The following CELF2 variants were observed in gnomAD, a reference collection of about 807,000 sequenced individuals.
The protein encoded by CELF2 is CUG triplet repeat RNA-binding protein 2.
A neutral mutation model predicts 62.6 loss-of-function variants in CELF2; 8 were observed. That is an observed-to-expected ratio of 0.13 (90% confidence interval 0.07 to 0.23). The LOEUF (loss-of-function observed/expected upper bound fraction) is 0.23, where lower values mean the gene tolerates loss of function less well. CELF2 is among the 10% of genes least tolerant of loss of function. CELF2 has a pLI of 1.00. For synonymous variants in CELF2, 258 were observed against 250.0 expected, an observed-to-expected ratio of 1.03 and a Z score of -0.30; for missense variants, 333 against 671.0, an observed-to-expected ratio of 0.50 and a Z score of 5.56.
chr10:10,921,967 GAGA>G (rs2064964533), intron 2 of CELF2, among the ~76,000 whole-genome samples: 1 of 152,192 alleles, frequency 6.6e-6, no homozygotes, highest in Non-Finnish European at 1.5e-5. Flanking sequence ...TCAAGAACAG[GAGA>G]AGCAGAGTGA....
the CELF2 span, among the ~76,000 whole-genome samples, chr10:10,716,951 G>T: frequency 6.6e-6 from 1 of 152,160 alleles, no homozygotes; most frequent in Admixed American, 6.5e-5. Context: ...TAATAGAGCA[G>T]ATAAAGCCCA....
the CELF2 span, among the ~76,000 whole-genome samples, chr10:10,695,737 C>G: frequency 9.6e-3 from 1,457 of 152,286 alleles, 29 homozygotes; most frequent in Admixed American, 0.045. Flanking sequence ...AACTTCCCAT[C>G]TCGCTTCATT....
At chr10:10,519,834 G>A in the CELF2 span, among the ~76,000 whole-genome samples, 1 of 152,318 alleles carries the variant, frequency 6.6e-6, no homozygotes, top group Non-Finnish European at 1.5e-5. Context: ...AAGGCTGTCT[G>A]TCTCCCTTGT....
intron 1 of CELF2, among the ~76,000 whole-genome samples, chr10:11,068,431 C>G (rs1360757136): frequency 2.0e-5 from 3 of 152,162 alleles, no homozygotes; most frequent in African/African-American, 7.2e-5. Context: ...CATCAGGGTC[C>G]CTTGGACCCC....
the CELF2 span, among the ~76,000 whole-genome samples, chr10:10,566,130 T>A: frequency 6.6e-6 from 1 of 152,132 alleles, no homozygotes; most frequent in East Asian, 1.9e-4. Flanking sequence ...ATGCATGGTC[T>A]TTACCCTCAA....
At chr10:10,956,449 A>G (rs914894226) in intron 2 of CELF2, among the ~76,000 whole-genome samples, 2 of 152,168 alleles carry the variant, frequency 1.3e-5, no homozygotes, top group Admixed American at 6.5e-5. Context: ...GATGGCCACA[A>G]TTTTGGAAGC....
chr10:10,757,193 C>T, the CELF2 span, among the ~76,000 whole-genome samples: 1 of 152,098 alleles, frequency 6.6e-6, no homozygotes, highest in Admixed American at 6.6e-5. Flanking sequence ...TGCAATGGCT[C>T]ACACCTGTAA....
the CELF2 span, among the ~76,000 whole-genome samples, chr10:10,750,283 A>G: frequency 2.0e-5 from 3 of 147,498 alleles, no homozygotes; most frequent in South Asian, 6.6e-4. Context: ...TCCATCTCAA[A>G]GAAAAAAAAA....
the CELF2 span, among the ~76,000 whole-genome samples, chr10:10,605,953 A>G: frequency 6.6e-6 from 1 of 152,172 alleles, no homozygotes; most frequent in Admixed American, 6.5e-5. Context: ...GTAATGTATG[A>G]TCTATGCTGA....
At chr10:11,234,255 A>G (rs1319103409) in intron 3 of CELF2, among the ~76,000 whole-genome samples, 2 of 152,156 alleles carry the variant, frequency 1.3e-5, no homozygotes, top group African/African-American at 4.8e-5. Context: ...CTGAGCTCCA[A>G]ACTCCTTGAG....
At chr10:10,953,286 ACT>A (rs1296471621) in intron 2 of CELF2, among the ~76,000 whole-genome samples, 1 of 152,134 alleles carries the variant, frequency 6.6e-6, no homozygotes, top group East Asian at 1.9e-4. Context: ...AGAAACTTTC[ACT>A]CTATACCATC....
intron 1 of CELF2, among the ~76,000 whole-genome samples, chr10:11,044,546 G>C (rs781125332): frequency 6.6e-6 from 1 of 152,070 alleles, no homozygotes; most frequent in Non-Finnish European, 1.5e-5. Context: ...TTCTGGGCAG[G>C]TGCTTTGAGA....
the CELF2 span, among the ~76,000 whole-genome samples, chr10:10,666,977 A>T: frequency 6.6e-6 from 1 of 152,174 alleles, no homozygotes; most frequent in African/African-American, 2.4e-5. Flanking sequence ...ACATACGTTC[A>T]TGCACACACC....
chr10:10,702,675 C>T, the CELF2 span, among the ~76,000 whole-genome samples: 12 of 152,330 alleles, frequency 7.9e-5, no homozygotes, highest in Admixed American at 7.8e-4. Context: ...ACTTCCGCCT[C>T]CTAGGTTCAA....
At chr10:10,547,410 G>A in the CELF2 span, among the ~76,000 whole-genome samples, 1 of 152,182 alleles carries the variant, frequency 6.6e-6, no homozygotes, top group Non-Finnish European at 1.5e-5. Flanking sequence ...CTGTGACAGA[G>A]TGAACAAGTG....
chr10:11,310,466 C>T (rs2094504923), intron 9 of CELF2, among the ~76,000 whole-genome samples: 1 of 152,088 alleles, frequency 6.6e-6, no homozygotes, highest in Non-Finnish European at 1.5e-5. Context: ...AATATTTCTT[C>T]ATCTATACAC....
rs779543257 is a variant in CELF2, at chr10:10,857,649, G to GTATATATATATATATATATA, written c.53+58846_53+58865dup. Reference sequence around the variant, plus strand: ...ATATGTGGTAAACTACATATATATAGTATATATATATATATATATATATAT... The same window carrying GTATATATATATATATATATA: ...ATATGTGGTAAACTACATATATATAGTATATATATATATATATATATATATATATATATATATATATATAT... On this transcript the variant is annotated intron_variant, in intron 1 of 13. Coordinates refer to the CELF2 transcript ENST00000636488. Among the ~76,000 whole-genome samples, 100 of 94,158 alleles carry GTATATATATATATATATATA rather than the reference G, an allele frequency of 1.1e-3. 1 individual carries two copies. The highest frequency in any genetic ancestry group is 1.8e-3 in the South Asian group (5 of 2,768). The allele number at this position is 94,158 out of a possible 152,430, so 61.8% of individuals were successfully genotyped here.
intron 8 of CELF2, among the ~76,000 whole-genome samples, chr10:11,284,037 T>G (rs1449852099): frequency 7.6e-6 from 1 of 131,020 alleles, no homozygotes; most frequent in African/African-American, 2.9e-5. Flanking sequence ...TGGATGAGTG[T>G]GTGGTGAGTG....
chr10:10,797,076 G>A (rs1184194227), upstream of CELF2, among the ~76,000 whole-genome samples: 3 of 152,248 alleles, frequency 2.0e-5, no homozygotes, highest in Non-Finnish European at 2.9e-5. Flanking sequence ...GGTAAGAAAG[G>A]GATTTACAAT....
Sources: gnomAD v4.1 joint callset for allele counts (sites outside exome capture counted in the v4.1 genomes callset) on GRCh38, gnomAD v4.1.1 for gene constraint, MANE v1.5 for transcripts, NCBI Gene and HGNC (gene_info 2026-07-23, HGNC 2026-07-21) for gene names.